SLC25A37: variants seen among roughly 807,000 people sequenced by gnomAD.
SLC25A37 encodes mitoferrin-1.
SLC25A37 carries 17 observed loss-of-function variants against 31.0 expected under a neutral mutation model. The observed-to-expected ratio is 0.55, with a 90% confidence interval of 0.38 to 0.82. SLC25A37 has a LOEUF of 0.82. Ranked by LOEUF, SLC25A37 falls within the 40% of genes least tolerant of loss-of-function variation. The pLI is 0.00. For missense variants in SLC25A37, 404 were observed against 465.8 expected (o/e 0.87, Z 1.22); for synonymous variants, 222 against 193.0 (o/e 1.15, Z -1.24).
chr8:23,542,448 G>T (rs545385731), intron 1 of SLC25A37, among the ~76,000 whole-genome samples: 1 of 143,664 alleles, frequency 7.0e-6, no homozygotes, highest in African/African-American at 2.7e-5. Flanking sequence ...GCGCGATCTC[G>T]GCTTACTGCA....
At chr8:23,537,017 G>A (rs190867510) in intron 1 of SLC25A37, among the ~76,000 whole-genome samples, 81 of 151,894 alleles carry the variant, frequency 5.3e-4, no homozygotes, top group African/African-American at 1.9e-3. Context: ...GCAACATAGC[G>A]AGACCCCATA....
chr8:23,538,333 A>T (rs1039319304), intron 1 of SLC25A37, among the ~76,000 whole-genome samples: 1 of 139,996 alleles, frequency 7.1e-6, no homozygotes, highest in African/African-American at 2.6e-5. Flanking sequence ...GTGAGCCGAG[A>T]TCGCGCCATT....
chr8:23,546,582 A>G lies in SLC25A37; in HGVS notation c.210+17370A>G, dbSNP rs907996962. ...TATATATATATATATATATATATAT[A>G]GTGTATATATATATAGTGTATGTGT... is the stretch of plus-strand genomic sequence containing the variant. On this transcript the variant is annotated intron_variant, in intron 1 of 3. Transcript: ENST00000519973. Among the ~76,000 whole-genome samples the G allele has an allele frequency of 1.6e-4, 9 of 56,050 alleles. 1 individual carries two copies. The highest frequency in any genetic ancestry group is 1.0e-3 in the African/African-American group (8 of 7,790). 36.8% of individuals were successfully genotyped at this position (56,050 alleles called of 152,430 possible). A position where few individuals can be genotyped will look rare whatever the true frequency, so the allele number is the denominator to read the frequency against.
chr8:23,570,782 C>G (rs557722870), intron 3 of SLC25A37, among the ~76,000 whole-genome samples: 121 of 152,190 alleles, frequency 8.0e-4, no homozygotes, highest in Non-Finnish European at 1.5e-3. Context: ...GTCCTGTGAA[C>G]TCCACTTAGA....
At chr8:23,564,138 T>C (rs1411687874) in intron 1 of SLC25A37, among the ~76,000 whole-genome samples, 1 of 152,298 alleles carries the variant, frequency 6.6e-6, no homozygotes, top group East Asian at 1.9e-4. Context: ...TATATTGTTA[T>C]TGTTTTTGCG....
chr8:23,543,102 C>T (rs62503324), intron 1 of SLC25A37: 58,718 of 151,570 alleles, frequency 0.39, 13,362 homozygotes, highest in East Asian at 0.62. Flanking sequence ...AGGGTCTTGC[C>T]TTGTCGCCTA....
intron 1 of SLC25A37, among the ~76,000 whole-genome samples, chr8:23,549,127 C>G (rs1460412970): frequency 6.6e-6 from 1 of 152,210 alleles, no homozygotes; most frequent in African/African-American, 2.4e-5. Context: ...AGACTATAAA[C>G]TCCTTGAAGG....
chr8:23,558,065 G>C (rs563513558), intron 1 of SLC25A37, among the ~76,000 whole-genome samples: 1 of 152,334 alleles, frequency 6.6e-6, no homozygotes, highest in South Asian at 2.1e-4. Context: ...GTAGGTGTAA[G>C]GCAAATGCTT....
intron 1 of SLC25A37, among the ~76,000 whole-genome samples, chr8:23,561,677 C>T (rs145726603): frequency 5.3e-4 from 81 of 152,306 alleles, no homozygotes; most frequent in African/African-American, 1.9e-3. Flanking sequence ...AGGGGTAATT[C>T]CCTACTGCCC....
intron 1 of SLC25A37, among the ~76,000 whole-genome samples, chr8:23,556,230 ATT>A (rs10687321): frequency 1.1e-4 from 16 of 139,904 alleles, no homozygotes; most frequent in African/African-American, 2.7e-4. Flanking sequence ...AAGAGCACCA[ATT>A]TTTTTTTTTT....
At position 23,529,370 on chromosome 8, in the gene SLC25A37, G is replaced by A. The variant is rs1423563399; in HGVS notation, c.210+158G>A. Reference sequence around the variant, plus strand: ...GTCGCCCCAGGAGCAGCTGCGCGCAGCCTGGGCGCCGCGCCTTCCGCCGAC... The same window carrying A: ...GTCGCCCCAGGAGCAGCTGCGCGCAACCTGGGCGCCGCGCCTTCCGCCGAC... On this transcript the variant is annotated intron_variant, in intron 1 of 3. Coordinates refer to ENST00000519973, the MANE Select transcript of SLC25A37 (RefSeq NM_016612.4). The surrounding 1 kb of genome is among the most constrained non-coding windows in gnomAD (Gnocchi z 4.1). 6.6e-6 allele frequency among the ~76,000 whole-genome samples: 1 copy of A among 151,466 alleles called. No homozygotes were observed. Among genetic ancestry groups the A allele is most frequent in the African/African-American group, 2.4e-5 (1 of 41,348 alleles).
intron 1 of SLC25A37, among the ~76,000 whole-genome samples, chr8:23,531,160 T>C (rs1382570062): frequency 6.6e-6 from 1 of 152,196 alleles, no homozygotes; most frequent in Non-Finnish European, 1.5e-5. Context: ...CCTTCCATGC[T>C]GAAGTGTGCA....
intron 1 of SLC25A37, among the ~76,000 whole-genome samples, chr8:23,538,547 T>TGTGTGTGTGTGTGTGTGTG (rs1563251552): frequency 6.9e-6 from 1 of 145,464 alleles, no homozygotes; most frequent in African/African-American, 2.6e-5. Context: ...GTGTGTGTGT[T>TGTGTGTGTGTGTGTGTGTG]TGTGTGTGTG....
Position 23,571,921 on chromosome 8 carries a change from C to T in SLC25A37, c.*66C>T, listed in dbSNP as rs1445791870. On this transcript the variant is annotated 3_prime_UTR_variant, in exon 4 of 4. Transcript: ENST00000519973. ...CCTGCATCCAGCCCCTTGCCCTCTC[C>T]TCACACGTAGATCATTTTTTTTTTG... 1.8e-5 allele frequency: 27 copies of T among 1,535,178 alleles called. No individual in the cohort carries two copies. The South Asian group carries it at 1.9e-4, about 11-fold the overall frequency.
Position 23,575,092 on chromosome 8 carries a change from T to A in SLC25A37, c.*3237T>A, listed in dbSNP as rs986195022. ...TTCTATGTGTAGTTTGCTTTCTTCA[T>A]TTTTTTTTCTTTTAAAATGCTCATG... is the stretch of plus-strand genomic sequence containing the variant. On this transcript the variant is annotated 3_prime_UTR_variant, in exon 4 of 4. Transcript: ENST00000519973. The A allele has an allele frequency of 2.6e-4, 39 of 151,850 alleles. No individual in the cohort carries two copies. Among genetic ancestry groups the A allele is most frequent in the African/African-American group, 8.9e-4 (37 of 41,400 alleles). 9.4% of individuals were successfully genotyped at this position (151,850 alleles called of 1,614,324 possible). A position where few individuals can be genotyped will look rare whatever the true frequency, so the allele number is the denominator to read the frequency against.
chr8:23,529,038 G>C lies in SLC25A37; in HGVS notation c.36G>C (p.Ala12=). ...ELRSGSVGSQ[A]VARRMDGDSR... is the part of the protein sequence containing the mutation. ...GCAGCGGGAGCGTGGGCAGCCAGGC[G>C]GTGGCGCGGAGGATGGATGGGGACA... The change falls in exon 1 of 4, where the codon GCG becomes GCC. Residue 12 remains alanine, a synonymous_variant. Transcript: ENST00000519973. The surrounding 1 kb of genome is among the most constrained non-coding windows in gnomAD (Gnocchi z 4.1). The C allele has an allele frequency of 1.3e-6, 2 of 1,557,326 alleles. No homozygotes were observed. The highest frequency in any genetic ancestry group is 1.7e-6 in the Non-Finnish European group (2 of 1,152,946).
intron 1 of SLC25A37, among the ~76,000 whole-genome samples, chr8:23,551,349 C>G (rs1033973324): frequency 1.3e-5 from 2 of 152,114 alleles, no homozygotes; most frequent in Non-Finnish European, 2.9e-5. Flanking sequence ...AGGGGGCCAC[C>G]AGGTGCGAGT....
rs979918133 is a variant in SLC25A37, at chr8:23,529,286, C to G, written c.210+74C>G. On this transcript the variant is annotated intron_variant, in intron 1 of 3. Coordinates refer to ENST00000519973, the MANE Select transcript of SLC25A37 (RefSeq NM_016612.4). The surrounding 1 kb of genome is among the most constrained non-coding windows in gnomAD (Gnocchi z 4.1). ...GCGCGCGCATTTGCATCCCGCGCGC[C>G]GGCAGCCTCGGGGCAGCGTCCCGAA... The G allele has an allele frequency of 8.5e-5, 121 of 1,422,880 alleles. No homozygotes were observed. The African/African-American group carries it at 1.6e-3, about 18-fold the overall frequency. 88.1% of individuals were successfully genotyped at this position (1,422,880 alleles called of 1,614,324 possible). A position where few individuals can be genotyped will look rare whatever the true frequency, so the allele number is the denominator to read the frequency against.
At chr8:23,568,509 A>T in intron 3 of SLC25A37, 131 bp downstream of exon 3, 1 of 1,020,462 alleles carries the variant, frequency 9.8e-7, no homozygotes, top group Non-Finnish European at 1.5e-6. Flanking sequence ...CAGACAGGAG[A>T]ATTGAATTTT....
Sources: allele counts gnomAD v4.1 joint callset (sites outside exome capture counted in the v4.1 genomes callset), GRCh38; gene constraint gnomAD v4.1.1; non-coding constraint Gnocchi (gnomAD v3.1); transcripts MANE v1.5; gene names NCBI Gene and HGNC (gene_info 2026-07-23, HGNC 2026-07-21).